The following OSMR variants were observed in gnomAD, a reference collection of about 807,000 sequenced individuals.
The protein encoded by OSMR is oncostatin M receptor.
Under a neutral mutation model 99.9 loss-of-function variants are expected in OSMR, and 81 were observed. The ratio of observed to expected loss-of-function variants is 0.81; its 90% CI spans 0.68 to 0.97. The LOEUF (loss-of-function observed/expected upper bound fraction) is 0.97. Ranked by LOEUF, OSMR falls within the 50% of genes least tolerant of loss-of-function variation. The probability of loss-of-function intolerance (pLI) is 0.00; values close to 1 mark genes in which losing one functional copy is unlikely to be tolerated. For missense variants in OSMR, 1,099 were observed against 1,153.4 expected (o/e 0.95, Z 0.68); for synonymous variants, 406 against 410.4 (o/e 0.99, Z 0.13).
chr5:38,858,023 G>T (rs1302143419), intron 1 of OSMR, among the ~76,000 whole-genome samples: 1 of 151,930 alleles, frequency 6.6e-6, no homozygotes, highest in East Asian at 1.9e-4. Flanking sequence ...TAATTTAGGG[G>T]GTATATGTGA....
chr5:38,913,318 G>A (rs1447567571), intron 9 of OSMR, among the ~76,000 whole-genome samples: 2 of 152,064 alleles, frequency 1.3e-5, no homozygotes, highest in African/African-American at 4.8e-5. Flanking sequence ...GGGAGGCCGA[G>A]GCAGGAGAAT....
intron 9 of OSMR, among the ~76,000 whole-genome samples, chr5:38,913,230 G>A (rs1456065371): frequency 6.6e-6 from 1 of 151,974 alleles, no homozygotes; most frequent in Non-Finnish European, 1.5e-5. Flanking sequence ...AATTCAACAA[G>A]CAGAAAGCAA....
In OSMR at chr5:38,927,490, G is replaced by A. The variant is rs540480594; in HGVS notation, c.2212+2119G>A. ...TCAACATCACATGGAAGCTGCCAAGGCTTGGGGCTTGCACCCTCTGAAGCA... is the reference window on the plus strand; with the variant it reads ...TCAACATCACATGGAAGCTGCCAAGACTTGGGGCTTGCACCCTCTGAAGCA... On this transcript the variant is annotated intron_variant, in intron 15 of 17. Coordinates refer to ENST00000274276, the MANE Select transcript of OSMR (RefSeq NM_003999.3). Among the ~76,000 whole-genome samples the A allele has an allele frequency of 1.0e-3, 154 of 152,340 alleles. 1 individual carries two copies. The Middle Eastern group carries it at 0.01, about 10-fold the overall frequency.
At chr5:38,888,547 A>G (rs1323658033) in intron 7 of OSMR, among the ~76,000 whole-genome samples, 1 of 152,214 alleles carries the variant, frequency 6.6e-6, no homozygotes, top group Non-Finnish European at 1.5e-5. Flanking sequence ...CTATAACACT[A>G]TAGGCACTTA....
At chr5:38,904,061 C>T in intron 8 of OSMR, 37 bp downstream of exon 8, 2 of 1,610,786 alleles carry the variant, frequency 1.2e-6, no homozygotes, top group Non-Finnish European at 1.7e-6. Flanking sequence ...TTCAAAAATT[C>T]TTTTTTTGTC....
intron 7 of OSMR, among the ~76,000 whole-genome samples, chr5:38,892,404 C>T (rs1579723361): frequency 6.6e-6 from 1 of 152,120 alleles, no homozygotes; most frequent in Non-Finnish European, 1.5e-5. Context: ...ATAGACAGCA[C>T]CTGAACTCCA....
downstream of OSMR, chr5:38,939,881 CTTAAG>C (rs200270838): frequency 5.6e-3 from 1,275 of 226,298 alleles, 19 homozygotes; most frequent in African/African-American, 0.026. Context: ...TTTTTAAACA[CTTAAG>C]TTAATCACTT....
Position 38,883,826 on chromosome 5 carries a change from G to C in OSMR, c.419-1G>C. On this transcript the variant is annotated splice_acceptor_variant, in intron 4 of 17. Transcript: ENST00000274276. LOFTEE classifies it high-confidence loss of function. Reference sequence around the variant, plus strand: ...AACTTGGCTATTTTTTTTTCTTGCAGTACAAGATTCTACTGGACAGGATAT... The same window carrying C: ...AACTTGGCTATTTTTTTTTCTTGCACTACAAGATTCTACTGGACAGGATAT... 1 of 1,612,396 alleles carries C rather than the reference G, an allele frequency of 6.2e-7. No individual in the cohort carries two copies. The highest frequency in any genetic ancestry group is 1.1e-5 in the South Asian group (1 of 91,004).
At position 38,924,607 on chromosome 5, in the gene OSMR, T is replaced by G. The variant is rs1299718541; in HGVS notation, c.2044+12T>G. On this transcript the variant is annotated intron_variant, in intron 14 of 17. Coordinates refer to ENST00000274276, the MANE Select transcript of OSMR (RefSeq NM_003999.3). Reference sequence around the variant, plus strand: ...GGCAGTTCTTTCAGGTGACATCTATTTTTAATTTGTTTATTTATTCTTTCA... The same window carrying G: ...GGCAGTTCTTTCAGGTGACATCTATGTTTAATTTGTTTATTTATTCTTTCA... The G allele has an allele frequency of 5.1e-6, 8 of 1,568,478 alleles. No homozygotes were observed. The highest frequency in any genetic ancestry group is 6.1e-6 in the Non-Finnish European group (7 of 1,138,452).
chr5:38,944,603 C>G, intron 2 of OSMR: 1 of 1,525,218 alleles, frequency 6.6e-7, no homozygotes, highest in Middle Eastern at 1.7e-4. Flanking sequence ...TAAATATTAT[C>G]TATGTCACAA....
rs58415072 is a variant in OSMR at position 38,860,285 on chromosome 5, G to A, written c.-13-8747G>A. On this transcript the variant is annotated intron_variant, in intron 1 of 17. Transcript: ENST00000274276. ...AGAGTTTTTATCATGAAGGAATGTTGAATTTTATCAAATGCCTTTTCTGCA... is the reference window on the plus strand; with the variant it reads ...AGAGTTTTTATCATGAAGGAATGTTAAATTTTATCAAATGCCTTTTCTGCA... Among the ~76,000 whole-genome samples, 3,486 of 152,228 alleles carry A rather than the reference G, an allele frequency of 0.023. 380 individuals carry two copies. In the East Asian group the frequency reaches 0.38, roughly 16 times the overall value.
intron 15 of OSMR, among the ~76,000 whole-genome samples, chr5:38,927,646 T>G (rs1746532262): frequency 6.6e-6 from 1 of 152,150 alleles, no homozygotes; most frequent in South Asian, 2.1e-4. Flanking sequence ...TGTCTGTGCC[T>G]GTGATGGGAG....
chr5:38,926,269 C>T (rs1022675627), intron 15 of OSMR, among the ~76,000 whole-genome samples: 3 of 152,204 alleles, frequency 2.0e-5, no homozygotes, highest in Admixed American at 2.0e-4. Flanking sequence ...GAGATGGGCA[C>T]ATCCTGTTGG....
intron 2 of OSMR, chr5:38,944,702 A>G: frequency 1.1e-6 from 1 of 912,826 alleles, no homozygotes; most frequent in Non-Finnish European, 1.6e-6. Flanking sequence ...TCATTTTGGG[A>G]GCAAAACTCT....
downstream of OSMR, chr5:38,945,507 T>A (rs755846957): frequency 4.8e-5 from 77 of 1,611,396 alleles, no homozygotes; most frequent in Non-Finnish European, 6.5e-5. Flanking sequence ...GACTACATAT[T>A]GCACTCAGTT....
At chr5:38,884,562 T>G (rs891816746) in intron 5 of OSMR, among the ~76,000 whole-genome samples, 3 of 152,156 alleles carry the variant, frequency 2.0e-5, no homozygotes, top group African/African-American at 7.2e-5. Context: ...CTGAGCCAGT[T>G]TCCTCCTTTG....
At chr5:38,885,204 G>T in intron 5 of OSMR, 145 bp from the exon 6 acceptor site, 2 of 1,496,670 alleles carry the variant, frequency 1.3e-6, no homozygotes, top group Non-Finnish European at 1.8e-6. Flanking sequence ...GACTTTTGGA[G>T]GCTGTTGATA....
chr5:38,924,369 C>T, intron 13 of OSMR, 53 bp from the exon 14 acceptor site: 2 of 1,612,062 alleles, frequency 1.2e-6, no homozygotes, highest in Admixed American at 3.3e-5. Flanking sequence ...CATGAATATT[C>T]TGAGACTGTT....
intron 2 of OSMR, among the ~76,000 whole-genome samples, chr5:38,871,633 A>G (rs1322638321): frequency 1.3e-5 from 2 of 152,222 alleles, no homozygotes; most frequent in Admixed American, 1.3e-4. Flanking sequence ...TCCATCAGCC[A>G]GAGATTATGA....
Sources: gnomAD v4.1 joint callset for allele counts (sites outside exome capture counted in the v4.1 genomes callset) on GRCh38, gnomAD v4.1.1 for gene constraint, MANE v1.5 for transcripts, NCBI Gene and HGNC (gene_info 2026-07-23, HGNC 2026-07-21) for gene names.